Variants in ACACA observed in about 807,000 individuals in gnomAD.
ACACA encodes the protein acetyl-CoA carboxylase 1.
ACACA carries 103 observed loss-of-function variants against 296.1 expected under a neutral mutation model. The observed-to-expected ratio is 0.35, with a 90% CI of 0.30 to 0.41. The LOEUF (loss-of-function observed/expected upper bound fraction) is 0.41, where lower values mean the gene tolerates loss of function less well. Among genes scored for constraint, ACACA ranks in the 10% least tolerant of loss-of-function variants. ACACA has a pLI of 1.00. For missense variants in ACACA, 1,554 were observed against 2,989.7 expected, an observed-to-expected ratio of 0.52 and a Z score of 11.20; for synonymous variants, 953 against 1,038.6, an observed-to-expected ratio of 0.92 and a Z score of 1.58.
chr17:37,140,469 A>G (rs1238582252), intron 45 of ACACA: 1 of 152,486 alleles, frequency 6.6e-6, no homozygotes, highest in Non-Finnish European at 1.5e-5. Context: ...GCTACAGATC[A>G]ATATGCATCT....
intron 1 of ACACA, among the ~76,000 whole-genome samples, chr17:37,350,144 T>C (rs1475818908): frequency 6.6e-6 from 1 of 151,850 alleles, no homozygotes; most frequent in East Asian, 1.9e-4. Context: ...GGCAACAAAG[T>C]GAGACTCCGT....
intron 1 of ACACA, among the ~76,000 whole-genome samples, chr17:37,381,696 C>T (rs1249915895): frequency 2.1e-5 from 3 of 145,722 alleles, no homozygotes; most frequent in Non-Finnish European, 1.5e-5. Context: ...GGTGCGATCT[C>T]AGCTCACTGC....
intron 48 of ACACA, 115 bp from the exon 49 acceptor site, chr17:37,122,742 G>A (rs2074588959): frequency 1.2e-6 from 1 of 846,492 alleles, no homozygotes; most frequent in Non-Finnish European, 2.0e-6. Flanking sequence ...AACACAGAGA[G>A]CAGGGGAAAT....
At chr17:37,239,008 T>C (rs1489579637) in intron 24 of ACACA, among the ~76,000 whole-genome samples, 1 of 152,124 alleles carries the variant, frequency 6.6e-6, no homozygotes, top group Non-Finnish European at 1.5e-5. Context: ...TTTTAATTTT[T>C]TGTAGAGATG....
chr17:37,133,884 T>G lies in ACACA; in HGVS notation c.5680-3666A>C, dbSNP rs370700814. On this transcript the variant is annotated intron_variant, in intron 45 of 55. Coordinates refer to ENST00000616317, the MANE Select transcript of ACACA (RefSeq NM_198834.3). ...AAGCAGTACCATGCAATATTAGGAA[T>G]GGGCTCCACCTTGGGGTCCTCTGCT... Among the ~76,000 whole-genome samples, 12 of 152,334 alleles carry G rather than the reference T, an allele frequency of 7.9e-5. No individual in the cohort carries two copies. The East Asian group carries it at 1.9e-3, about 24-fold the overall frequency.
chr17:37,381,683 A>T (rs990363594), intron 1 of ACACA, among the ~76,000 whole-genome samples: 4 of 137,668 alleles, frequency 2.9e-5, no homozygotes, highest in Non-Finnish European at 6.0e-5. Flanking sequence ...GCTGGAGTGC[A>T]GTGGTGCGAT....
intron 33 of ACACA, among the ~76,000 whole-genome samples, chr17:37,201,655 A>G (rs779589624): frequency 7.2e-5 from 11 of 152,166 alleles, no homozygotes; most frequent in Non-Finnish European, 1.5e-4. Flanking sequence ...CCACCAGTTG[A>G]ATGACCTGAG....
At chr17:37,202,480 A>G (rs1285827431) in intron 33 of ACACA, among the ~76,000 whole-genome samples, 4 of 152,066 alleles carry the variant, frequency 2.6e-5, no homozygotes, top group Admixed American at 6.5e-5. Context: ...TATGAGAGAA[A>G]AAAAGACATG....
intron 11 of ACACA, among the ~76,000 whole-genome samples, chr17:37,260,930 G>A (rs1195039715): frequency 3.9e-5 from 6 of 152,078 alleles, no homozygotes; most frequent in Non-Finnish European, 7.4e-5. Context: ...AGTTTAACCT[G>A]TATCCTAATC....
intron 43 of ACACA, 77 bp downstream of exon 43, chr17:37,155,606 C>T: frequency 1.0e-6 from 1 of 966,430 alleles, no homozygotes. Context: ...TTATGAACAG[C>T]TGTACAATAT....
chr17:37,107,712 A>T (rs2073767754), intron 52 of ACACA, among the ~76,000 whole-genome samples: 1 of 152,224 alleles, frequency 6.6e-6, no homozygotes, highest in Admixed American at 6.5e-5. Flanking sequence ...AGTTCCCCTA[A>T]GCGGCTCCTT....
At chr17:37,133,043 C>T (rs776335447) in intron 45 of ACACA, among the ~76,000 whole-genome samples, 1 of 152,114 alleles carries the variant, frequency 6.6e-6, no homozygotes, top group African/African-American at 2.4e-5. Context: ...CTTAACATAC[C>T]AAGAACATTA....
chr17:37,298,112 T>A (rs1003933526), intron 3 of ACACA, among the ~76,000 whole-genome samples: 5 of 152,260 alleles, frequency 3.3e-5, no homozygotes, highest in Admixed American at 6.5e-5. Flanking sequence ...CTCATGCCAC[T>A]GCACTCAGCT....
intron 33 of ACACA, 143 bp downstream of exon 33, chr17:37,205,622 T>C: frequency 1.4e-6 from 1 of 708,380 alleles, no homozygotes; most frequent in South Asian, 1.5e-5. Flanking sequence ...TTTGGGATTT[T>C]ATCCCTAAAT....
At chr17:37,212,641 C>A (rs1055063004) in intron 29 of ACACA, among the ~76,000 whole-genome samples, 1 of 145,372 alleles carries the variant, frequency 6.9e-6, no homozygotes, top group African/African-American at 2.5e-5. Context: ...TACATGTTTT[C>A]TTTTTTTTTT....
chr17:37,145,529 G>A (rs182280949), intron 45 of ACACA, among the ~76,000 whole-genome samples: 21 of 152,244 alleles, frequency 1.4e-4, no homozygotes, highest in African/African-American at 4.6e-4. Flanking sequence ...GAAAACGACC[G>A]GACCACCTTC....
rs1359280936 is a variant in ACACA at position 37,129,478 on chromosome 17, T to C, written c.5831A>G (p.His1944Arg). The C allele has an allele frequency of 6.2e-7, 1 of 1,614,046 alleles. No homozygotes were observed. The highest frequency in any genetic ancestry group is 8.5e-7 in the Non-Finnish European group (1 of 1,179,956). ...HWLSYMPKSV[H>R]SSVPLLNSKD... is the part of the protein sequence containing the mutation. ...TGAGTTCAGAAGAGGAACTGAACTG[T>C]GCACGCTCTAAAAGGAGATTGGAAG... The change falls in exon 47 of 56, where the codon CAC becomes CGC. Residue 1944 changes from histidine (H) to arginine (R), a missense_variant. His to Arg is a conservative substitution (Grantham distance 29, BLOSUM62 0). Around this residue, in one of 16 missense-constraint regions of ACACA, gnomAD observed 553 missense variants for 1,043.6 expected, o/e 0.53. Coordinates refer to ENST00000616317, the MANE Select transcript of ACACA (RefSeq NM_198834.3).
chr17:37,318,642 T>G (rs1598476015), intron 3 of ACACA, among the ~76,000 whole-genome samples: 1 of 152,204 alleles, frequency 6.6e-6, no homozygotes, highest in African/African-American at 2.4e-5. Context: ...TTTCCAAGTT[T>G]TAAGCACTAA....
chr17:37,386,475 C>G (rs540442474), intron 1 of ACACA, among the ~76,000 whole-genome samples: 1 of 151,944 alleles, frequency 6.6e-6, no homozygotes, highest in Non-Finnish European at 1.5e-5. Flanking sequence ...ACCTGTAACC[C>G]CAGCTACTTG....
Sources: allele counts gnomAD v4.1 joint callset (sites outside exome capture counted in the v4.1 genomes callset), GRCh38; gene constraint gnomAD v4.1.1; regional missense constraint gnomAD v4.1.1; transcripts MANE v1.5; gene names NCBI Gene and HGNC (gene_info 2026-07-23, HGNC 2026-07-21).